Variants in CCNB3 observed in about 807,000 individuals in gnomAD.
The protein encoded by CCNB3 is G2/mitotic-specific cyclin-B3.
In CCNB3, 12 loss-of-function variants were observed where a neutral mutation model predicts 68.0. The ratio of observed to expected loss-of-function variants is 0.18; its 90% confidence interval spans 0.11 to 0.29. The LOEUF is 0.29. Ranked by LOEUF, CCNB3 falls within the 10% of genes least tolerant of loss-of-function variation. The pLI is 1.00. For missense variants in CCNB3, 904 were observed against 993.1 expected (o/e 0.91, Z 1.21); for synonymous variants, 354 against 388.9 (o/e 0.91, Z 1.06).
At chrX:50,227,607 T>TATATATAAATATATATAGAGAGAATAC in intron 1 of CCNB3, among the ~76,000 whole-genome samples, 1 of 81,316 alleles carries the variant, frequency 1.2e-5, no homozygotes, top group African/African-American at 4.5e-5. Flanking sequence ...ACAGAGAATA[T>TATATATAAATATATATAGAGAGAATAC]ATATATAAAT....
At chrX:50,228,011 A>C (rs1210001314) in intron 1 of CCNB3, among the ~76,000 whole-genome samples, 1 of 87,991 alleles carries the variant, frequency 1.1e-5, no homozygotes, top group Non-Finnish European at 2.1e-5. Flanking sequence ...GAATATATAT[A>C]AATATATAGA....
At chrX:50,304,071 A>G (rs1936707880) in intron 5 of CCNB3, among the ~76,000 whole-genome samples, 2 of 111,524 alleles carry the variant, frequency 1.8e-5, no homozygotes, top group South Asian at 3.8e-4. Flanking sequence ...TTCCAGCACT[A>G]TTTGTTGAGA....
chrX:50,205,416 G>A (rs1557205331), intron 1 of CCNB3, among the ~76,000 whole-genome samples: 2 of 111,753 alleles, frequency 1.8e-5, no homozygotes, highest in Non-Finnish European at 3.8e-5. Flanking sequence ...ACTCCATCCT[G>A]GGTGACAGAG....
At chrX:50,279,255 A>G (rs1165436497) in intron 1 of CCNB3, among the ~76,000 whole-genome samples, 3 of 70,876 alleles carry the variant, frequency 4.2e-5, no homozygotes, top group African/African-American at 1.7e-4. Context: ...TATACTATAT[A>G]TAAATATATA....
intron 1 of CCNB3, among the ~76,000 whole-genome samples, chrX:50,283,122 A>C (rs777440215): frequency 8.9e-6 from 1 of 111,790 alleles, no homozygotes; most frequent in Admixed American, 9.6e-5. Context: ...GAGCCACACA[A>C]GTCCTCTGCA....
intron 1 of CCNB3, among the ~76,000 whole-genome samples, chrX:50,220,236 C>T (rs1935646216): frequency 9.0e-6 from 1 of 111,637 alleles, no homozygotes; most frequent in African/African-American, 3.3e-5. Flanking sequence ...GATTTCCTCT[C>T]TTCCTATTTG....
At chrX:50,205,445 GA>G (rs1194136332) in intron 1 of CCNB3, among the ~76,000 whole-genome samples, 6 of 105,348 alleles carry the variant, frequency 5.7e-5, no homozygotes, top group African/African-American at 1.4e-4. Flanking sequence ...TGTCTCAAAA[GA>G]AAAAAAAAAC....
At chrX:50,211,028 A>G (rs1238872816) in intron 1 of CCNB3, among the ~76,000 whole-genome samples, 3 of 110,866 alleles carry the variant, frequency 2.7e-5, no homozygotes, top group Non-Finnish European at 5.7e-5. Flanking sequence ...TTGGGAGGCC[A>G]AGGCAGGTGG....
intron 1 of CCNB3, among the ~76,000 whole-genome samples, chrX:50,206,771 A>T (rs1935373842): frequency 1.8e-5 from 2 of 108,493 alleles, no homozygotes; most frequent in Non-Finnish European, 3.8e-5. Context: ...AAAAAAAATT[A>T]GCTGGGTGTG....
intron 5 of CCNB3, 106 bp from the exon 6 acceptor site, chrX:50,308,399 G>T (rs1210884995): frequency 9.4e-6 from 5 of 534,035 alleles, no homozygotes; most frequent in African/African-American, 2.4e-5. Context: ...TGGGGTTGAA[G>T]CCCCTTCCCC....
chrX:50,347,451 A>G (rs781994016), intron 10 of CCNB3, among the ~76,000 whole-genome samples, 175 bp from the exon 11 acceptor site: 5 of 109,959 alleles, frequency 4.5e-5, no homozygotes, highest in Non-Finnish European at 9.5e-5. Flanking sequence ...AATCCCCCCT[A>G]AAGAGTCTGT....
chrX:50,313,322 T>C (rs17003320), intron 7 of CCNB3, among the ~76,000 whole-genome samples: 2,913 of 111,418 alleles, frequency 0.026, 94 homozygotes, highest in African/African-American at 0.091. Flanking sequence ...GATTAACTGA[T>C]TCCAAAGCCC....
At chrX:50,219,613 C>G (rs1272838754) in intron 1 of CCNB3, among the ~76,000 whole-genome samples, 1 of 110,583 alleles carries the variant, frequency 9.0e-6, no homozygotes, top group African/African-American at 3.3e-5. Flanking sequence ...GGCCTCTGTT[C>G]TGTTTTATTG....
At chrX:50,298,039 A>G (rs1250687513) in intron 5 of CCNB3, among the ~76,000 whole-genome samples, 1 of 111,590 alleles carries the variant, frequency 9.0e-6, no homozygotes, top group Non-Finnish European at 1.9e-5. Flanking sequence ...GGGCTGAGAC[A>G]ATGGGGTTTT....
intron 1 of CCNB3, among the ~76,000 whole-genome samples, chrX:50,228,652 AATATATAGAAT>A (rs1337195694): frequency 0.019 from 1,540 of 81,840 alleles, 43 homozygotes; most frequent in African/African-American, 0.066. Flanking sequence ...ATATATATAG[AATATATAGAAT>A]ATATATAGAA....
intron 5 of CCNB3, among the ~76,000 whole-genome samples, chrX:50,298,563 T>C (rs1936536985): frequency 1.8e-5 from 2 of 112,054 alleles, no homozygotes; most frequent in South Asian, 7.4e-4. Flanking sequence ...TTTGCATCGA[T>C]GTTCATCAAA....
chrX:50,308,061 A>G (rs1334888303), intron 5 of CCNB3, among the ~76,000 whole-genome samples: 3 of 112,113 alleles, frequency 2.7e-5, no homozygotes, highest in African/African-American at 9.7e-5. Context: ...AGATTCTACC[A>G]AAGTTAATTA....
At position 50,291,396 on chromosome X, in the gene CCNB3, G is replaced by C. The variant is rs782146200; in HGVS notation, c.204+2509G>C. 2.0e-4 allele frequency among the ~76,000 whole-genome samples: 22 copies of C among 111,299 alleles called. No individual in the cohort carries two copies. In the South Asian group the frequency reaches 3.4e-3, roughly 17 times the overall value. On this transcript the variant is annotated intron_variant, in intron 4 of 12. Coordinates refer to ENST00000376042, the MANE Select transcript of CCNB3 (RefSeq NM_033031.3). ...GCAGCCTCAGCCTCCTGAATAGCTG[G>C]GACTACAGGTGATTGCCACCATGCC...
Position 50,226,971 on chromosome X carries a change from A to G in CCNB3, c.-113+22021A>G, listed in dbSNP as rs1358853513. On this transcript the variant is annotated intron_variant, in intron 1 of 12. Transcript: ENST00000376042. ...AATATATATAGTATATATATAGAATATATATAGTATATATATAGAATATAT... is the reference window on the plus strand; with the variant it reads ...AATATATATAGTATATATATAGAATGTATATAGTATATATATAGAATATAT... Among the ~76,000 whole-genome samples the G allele has an allele frequency of 1.1e-3, 81 of 76,030 alleles. 1 individual carries two copies. The highest frequency in any genetic ancestry group is 1.5e-3 in the Non-Finnish European group (66 of 44,156). 66.0% of individuals were successfully genotyped at this position (76,030 alleles called of 115,157 possible).
Sources: gnomAD v4.1 joint callset for allele counts (sites outside exome capture counted in the v4.1 genomes callset) on GRCh38, gnomAD v4.1.1 for gene constraint, MANE v1.5 for transcripts, NCBI Gene and HGNC (gene_info 2026-07-23, HGNC 2026-07-21) for gene names.